LSR: variants seen among roughly 807,000 people sequenced by gnomAD.
LSR encodes the protein lipolysis-stimulated lipoprotein receptor.
LSR carries 44 observed loss-of-function variants against 61.8 expected under a neutral mutation model. That is an observed-to-expected ratio of 0.71 (90% CI 0.56 to 0.91). The LOEUF is 0.91. LSR is among the 40% of genes least tolerant of loss of function. LSR has a pLI of 0.00. For synonymous variants in LSR, 397 were observed against 350.6 expected (o/e 1.13, Z -1.48); for missense variants, 911 against 830.5 (o/e 1.10, Z -1.19).
chr19:35,258,683 C>T (rs1048126324), intron 2 of LSR, among the ~76,000 whole-genome samples: 1 of 152,138 alleles, frequency 6.6e-6, no homozygotes, highest in African/African-American at 2.4e-5. Context: ...TGCAGCTTTT[C>T]CAGACCCGAA....
intron 3 of LSR, among the ~76,000 whole-genome samples, chr19:35,261,287 G>A (rs2065925046): frequency 6.6e-6 from 1 of 152,138 alleles, no homozygotes; most frequent in African/African-American, 2.4e-5. Flanking sequence ...GCCTTCATGG[G>A]TCCCTTCCTG....
At chr19:35,262,920 C>A in intron 5 of LSR, 1 of 554,880 alleles carries the variant, frequency 1.8e-6, no homozygotes. Context: ...TAAGTATAAT[C>A]CATACACATG....
At chr19:35,255,367 A>G (rs2065843632) in intron 2 of LSR, among the ~76,000 whole-genome samples, 2 of 152,104 alleles carry the variant, frequency 1.3e-5, no homozygotes, top group African/African-American at 4.8e-5. Flanking sequence ...ATTGTGGCAA[A>G]CCTGGGGATT....
In LSR at chr19:35,250,597, A is replaced by G. The variant is rs533140373; in HGVS notation, c.392A>G (p.Lys131Arg). 2 of 1,610,072 alleles carry G rather than the reference A, an allele frequency of 1.2e-6. No individual in the cohort carries two copies. Among genetic ancestry groups the G allele is most frequent in the African/African-American group, 2.7e-5 (2 of 74,990 alleles). ...SVRTVRVVAT[K>R]QGNAVTLGDY... ...CGCACCGTCAGGGTCGTGGCCACCA[A>G]GCAGGGCAACGCTGTGACCCTGGGA... is the stretch of plus-strand genomic sequence containing the variant. Residue 131 changes from lysine to arginine, a missense_variant, in exon 2 of 10, where the codon AAG becomes AGG. Physicochemically the swap from Lys to Arg is conservative, Grantham distance 26 (BLOSUM62 2). Transcript: ENST00000605618.
rs747646680 is a variant in LSR at position 35,267,902 on chromosome 19, T to C, written c.*43T>C. 6.9e-6 allele frequency: 11 copies of C among 1,603,942 alleles called. No homozygotes were observed. In the South Asian group the frequency reaches 1.2e-4, roughly 18 times the overall value. ...AGCTTTTGTATTTTTTTTTTTAATT[T>C]GAAGGAACACTGATGAAGCCCTGCC... is the stretch of plus-strand genomic sequence containing the variant. On this transcript the variant is annotated 3_prime_UTR_variant, in exon 10 of 10. Transcript: ENST00000605618.
At chr19:35,253,987 T>C (rs1267609590) in intron 2 of LSR, among the ~76,000 whole-genome samples, 2 of 152,188 alleles carry the variant, frequency 1.3e-5, no homozygotes, top group Admixed American at 6.5e-5. Flanking sequence ...TAAACATCCA[T>C]TGTGTGTGTC....
At chr19:35,260,011 G>A (rs2065906083) in intron 3 of LSR, among the ~76,000 whole-genome samples, 1 of 152,196 alleles carries the variant, frequency 6.6e-6, no homozygotes, top group African/African-American at 2.4e-5. Context: ...GCTGTACACT[G>A]CCATCTTCAC....
chr19:35,265,654 G>A (rs1355619082), intron 5 of LSR, among the ~76,000 whole-genome samples: 2 of 129,432 alleles, frequency 1.5e-5, no homozygotes, highest in Non-Finnish European at 3.3e-5. Flanking sequence ...GAAGGGAGGA[G>A]GATCTTACCT....
At position 35,250,525 on chromosome 19, in the gene LSR, C is replaced by A. The variant is rs756405970; in HGVS notation, c.320C>A (p.Ala107Asp). 1 of 1,614,152 alleles carries A rather than the reference C, an allele frequency of 6.2e-7. No individual in the cohort carries two copies. The highest frequency in any genetic ancestry group is 1.1e-5 in the South Asian group (1 of 91,082). The change falls in exon 2 of 10, where the codon GCC (alanine) becomes GAC (aspartate). Residue 107 changes from alanine to aspartate, a missense_variant. Ala to Asp is a moderately radical substitution (Grantham distance 126). Transcript: ENST00000605618. ...VDNQLNAQLA[A>D]GNPGYNPYVE... ...AACCAGCTCAATGCCCAGCTGGCAGCCGGGAACCCAGGCTACAACCCCTAC... is the reference window on the plus strand; with the variant it reads ...AACCAGCTCAATGCCCAGCTGGCAGACGGGAACCCAGGCTACAACCCCTAC...
chr19:35,249,323 C>T, intron 1 of LSR, 192 bp downstream of exon 1: 1 of 640,508 alleles, frequency 1.6e-6, no homozygotes. Context: ...GGAGCGCTCC[C>T]CGCGCCCTTA....
chr19:35,261,778 G>C (rs1341042934), intron 3 of LSR, 147 bp from the exon 4 acceptor site: 7 of 469,436 alleles, frequency 1.5e-5, no homozygotes, highest in African/African-American at 1.0e-4. Flanking sequence ...GTGGAGGGTA[G>C]GAGCCATGCA....
chr19:35,262,812 G>C (rs934103085), intron 5 of LSR, 120 bp downstream of exon 5: 1 of 1,291,040 alleles, frequency 7.7e-7, no homozygotes, highest in South Asian at 1.5e-5. Flanking sequence ...AATTTAGCCA[G>C]TGGGGAGAAA....
At position 35,267,835 on chromosome 19, in the gene LSR, G is replaced by C. The variant is rs376432696; in HGVS notation, c.1782G>C (p.Leu594=). The C allele has an allele frequency of 2.5e-6, 4 of 1,613,896 alleles. No homozygotes were observed. The highest frequency in any genetic ancestry group is 3.4e-6 in the Non-Finnish European group (4 of 1,179,934). ...RERRLKKNLA[L]SRESLVV Reference sequence around the variant, plus strand: ...TTTCTCCCTTGCAGAACTTGGCCCTGAGTCGGGAAAGTTTAGTCGTCTGAT... The same window carrying C: ...TTTCTCCCTTGCAGAACTTGGCCCTCAGTCGGGAAAGTTTAGTCGTCTGAT... The change falls in exon 10 of 10, where the codon CTG becomes CTC. Residue 594 remains leucine (L), a synonymous_variant. Coordinates refer to ENST00000605618, the MANE Select transcript of LSR (RefSeq NM_205834.4).
At chr19:35,257,558 T>A (rs1029444735) in intron 2 of LSR, among the ~76,000 whole-genome samples, 4 of 152,160 alleles carry the variant, frequency 2.6e-5, no homozygotes, top group African/African-American at 9.7e-5. Context: ...CCAGGTGCTG[T>A]GGACTGCAGC....
chr19:35,249,310 C>T (rs1455048395), intron 1 of LSR, 179 bp downstream of exon 1: 2 of 679,318 alleles, frequency 2.9e-6, no homozygotes, highest in Non-Finnish European at 4.5e-6. Flanking sequence ...CCATTTGTGC[C>T]GGGGAGCGCT....
Position 35,266,402 on chromosome 19 carries a change from TTATGCCCCCAGCACC to T in LSR, c.830_844del (p.Pro277_Ala281del). The T allele has an allele frequency of 6.2e-7, 1 of 1,604,478 alleles. No individual in the cohort carries two copies. Among genetic ancestry groups the T allele is most frequent in the Non-Finnish European group, 8.5e-7 (1 of 1,175,590 alleles). On this transcript the variant is annotated inframe_deletion, in exon 6 of 10. Coordinates refer to ENST00000605618, the MANE Select transcript of LSR (RefSeq NM_205834.4). Reference sequence around the variant, plus strand: ...CAGCCACCTCAGGTGTTCCCAGCATTTATGCCCCCAGCACCTATGCCCACCTGTCTCCCGCCAAGA... The same window carrying T: ...CAGCCACCTCAGGTGTTCCCAGCATTTATGCCCACCTGTCTCCCGCCAAGA...
At chr19:35,266,332 C>G in intron 5 of LSR, 27 bp from the exon 6 acceptor site, 1 of 1,542,976 alleles carries the variant, frequency 6.5e-7, no homozygotes, top group Non-Finnish European at 8.8e-7. Context: ...CCTCATCCCC[C>G]TTCTCCTGTT....
intron 2 of LSR, among the ~76,000 whole-genome samples, chr19:35,254,642 G>T (rs981604923): frequency 4.6e-5 from 7 of 152,150 alleles, no homozygotes; most frequent in African/African-American, 1.7e-4. Flanking sequence ...CCTTTGCGGT[G>T]TATAAAGAAG....
chr19:35,260,750 C>T (rs2065916812), intron 3 of LSR, among the ~76,000 whole-genome samples: 1 of 151,964 alleles, frequency 6.6e-6, no homozygotes, highest in Non-Finnish European at 1.5e-5. Context: ...TCGCTTGCAC[C>T]CAGGAGGTCA....
Sources: allele counts gnomAD v4.1 joint callset (sites outside exome capture counted in the v4.1 genomes callset), GRCh38; gene constraint gnomAD v4.1.1; transcripts MANE v1.5; gene names NCBI Gene and HGNC (gene_info 2026-07-23, HGNC 2026-07-21).